The following TMEM266 variants were observed in gnomAD, a reference collection of about 807,000 sequenced individuals.
The protein encoded by TMEM266 is Hv1 related protein 1.
A neutral mutation model predicts 50.5 loss-of-function variants in TMEM266; 33 were observed. The ratio of observed to expected loss-of-function variants is 0.65; its 90% CI spans 0.50 to 0.87. TMEM266 has a LOEUF of 0.87. Ranked by LOEUF, TMEM266 falls within the 40% of genes least tolerant of loss-of-function variation. The pLI, the probability that TMEM266 is intolerant of heterozygous loss-of-function variation, is 0.00. For missense variants in TMEM266, 655 were observed against 695.1 expected, an observed-to-expected ratio of 0.94 and a Z score of 0.65; for synonymous variants, 310 against 292.3, an observed-to-expected ratio of 1.06 and a Z score of -0.62.
intron 1 of TMEM266, among the ~76,000 whole-genome samples, chr15:76,118,266 G>A (rs2037281576): frequency 6.6e-6 from 1 of 152,140 alleles, no homozygotes; most frequent in African/African-American, 2.4e-5. Flanking sequence ...ATTCTAATGA[G>A]ATTGAAAACT....
chr15:76,188,656 A>G (rs900333698), intron 8 of TMEM266, among the ~76,000 whole-genome samples: 1 of 152,182 alleles, frequency 6.6e-6, no homozygotes, highest in Non-Finnish European at 1.5e-5. Flanking sequence ...GAATTCACTC[A>G]CTATCATGAG....
At chr15:76,140,291 C>T (rs776365519) in intron 3 of TMEM266, among the ~76,000 whole-genome samples, 7 of 152,226 alleles carry the variant, frequency 4.6e-5, no homozygotes, top group Non-Finnish European at 8.8e-5. Context: ...CCAGGGGAAA[C>T]TGAAGCAAAG....
At chr15:76,061,215 T>C (rs2036296934) in intron 1 of TMEM266, among the ~76,000 whole-genome samples, 1 of 152,196 alleles carries the variant, frequency 6.6e-6, no homozygotes, top group Non-Finnish European at 1.5e-5. Context: ...TGAACCGTAA[T>C]TGCTTCTAAA....
In TMEM266 at chr15:76,117,624, T is replaced by C. The variant is rs116172453; in HGVS notation, c.-96-16544T>C. On this transcript the variant is annotated intron_variant, in intron 1 of 10. Coordinates refer to ENST00000388942, the MANE Select transcript of TMEM266 (RefSeq NM_152335.3). Reference sequence around the variant, plus strand: ...GAATATATCTGCCGTTTGTTTTGAATTGAAGGGAGATAAGAAAGGACCACT... The same window carrying C: ...GAATATATCTGCCGTTTGTTTTGAACTGAAGGGAGATAAGAAAGGACCACT... Among the ~76,000 whole-genome samples, 165 of 152,176 alleles carry C rather than the reference T, an allele frequency of 1.1e-3. 1 individual carries two copies. Among genetic ancestry groups the C allele is most frequent in the African/African-American group, 3.8e-3 (157 of 41,542 alleles).
intron 7 of TMEM266, among the ~76,000 whole-genome samples, chr15:76,172,458 A>G (rs1419903243): frequency 6.6e-6 from 1 of 152,224 alleles, no homozygotes; most frequent in Non-Finnish European, 1.5e-5. Flanking sequence ...AGCATTTGCC[A>G]CGCAGGTGCA....
At chr15:76,174,128 C>G (rs1426531728) in intron 7 of TMEM266, among the ~76,000 whole-genome samples, 1 of 152,160 alleles carries the variant, frequency 6.6e-6, no homozygotes, top group East Asian at 1.9e-4. Context: ...TGCCAACTAT[C>G]ACATCCTCAT....
At chr15:76,177,833 G>A (rs1468125096) in intron 8 of TMEM266, among the ~76,000 whole-genome samples, 1 of 152,246 alleles carries the variant, frequency 6.6e-6, no homozygotes, top group Non-Finnish European at 1.5e-5. Flanking sequence ...TCGTCCTCAC[G>A]GGGCTCTGGG....
intron 1 of TMEM266, among the ~76,000 whole-genome samples, chr15:76,067,371 G>C (rs376656572): frequency 2.0e-5 from 3 of 151,640 alleles, no homozygotes; most frequent in Admixed American, 2.0e-4. Flanking sequence ...GGCTGGGTGC[G>C]GTGGTTCACG....
chr15:76,166,042 C>T (rs914724549), intron 5 of TMEM266, among the ~76,000 whole-genome samples: 9 of 152,168 alleles, frequency 5.9e-5, no homozygotes, highest in Non-Finnish European at 8.8e-5. Context: ...GTAAACCCCC[C>T]GATGCTGCTT....
In TMEM266 at chr15:76,204,398, C is replaced by T. The variant is rs540907463; in HGVS notation, c.*83C>T. ...ACCCTGGAGGCTGCCAAGGGCCACA[C>T]GCGGGGCCCAGGAGCCCACCTGGCC... On this transcript the variant is annotated 3_prime_UTR_variant, in exon 11 of 11. Transcript: ENST00000388942. 1.8e-4 allele frequency: 242 copies of T among 1,382,642 alleles called. No individual in the cohort carries two copies. The South Asian group carries it at 3.0e-3, about 17-fold the overall frequency. 85.6% of individuals were successfully genotyped at this position (1,382,642 alleles called of 1,614,324 possible).
At chr15:76,108,028 C>T (rs115105478) in intron 1 of TMEM266, among the ~76,000 whole-genome samples, 2,712 of 152,340 alleles carry the variant, frequency 0.018, 91 homozygotes, top group African/African-American at 0.062. Flanking sequence ...ACTCTGGCTA[C>T]CCAGCAGCCT....
chr15:76,063,635 A>C (rs2036350840), intron 1 of TMEM266, among the ~76,000 whole-genome samples: 1 of 152,046 alleles, frequency 6.6e-6, no homozygotes, highest in African/African-American at 2.4e-5. Context: ...CTCCTAGCCT[A>C]CTATATTAAT....
At chr15:76,159,625 A>T (rs2037984913) in intron 4 of TMEM266, among the ~76,000 whole-genome samples, 1 of 152,096 alleles carries the variant, frequency 6.6e-6, no homozygotes, top group Non-Finnish European at 1.5e-5. Context: ...ATGAAAAGTC[A>T]CAGTAAGCTC....
intron 1 of TMEM266, among the ~76,000 whole-genome samples, chr15:76,087,456 AT>A (rs1348290429): frequency 1.3e-5 from 2 of 152,084 alleles, no homozygotes; most frequent in African/African-American, 2.4e-5. Flanking sequence ...TTAGGGGGAG[AT>A]TTTTGGTGGC....
intron 8 of TMEM266, among the ~76,000 whole-genome samples, chr15:76,179,542 A>G (rs1184543829): frequency 6.6e-6 from 1 of 152,150 alleles, no homozygotes; most frequent in Admixed American, 6.5e-5. Context: ...CATGGCACTT[A>G]GCACTCAGCA....
Position 76,156,736 on chromosome 15 carries a change from A to G in TMEM266, c.360A>G (p.Leu120=). The G allele has an allele frequency of 6.2e-7, 1 of 1,614,078 alleles. No individual in the cohort carries two copies. The highest frequency in any genetic ancestry group is 8.5e-7 in the Non-Finnish European group (1 of 1,179,916). Residue 120 remains leucine (L), a synonymous_variant, in exon 4 of 11, where the codon CTA becomes CTG. Coordinates refer to ENST00000388942, the MANE Select transcript of TMEM266 (RefSeq NM_152335.3). ...TGATTCTCCTGACTCTGGAACTTCT[A>G]ATAGATATAAAGCTTCTCCAGTGTG...
intron 1 of TMEM266, among the ~76,000 whole-genome samples, chr15:76,130,304 G>A (rs1177680559): frequency 2.0e-5 from 3 of 148,938 alleles, no homozygotes; most frequent in African/African-American, 5.0e-5. Flanking sequence ...TTGGGAGGCC[G>A]AGGCGGTTGG....
chr15:76,097,513 C>G (rs938301808), intron 1 of TMEM266, among the ~76,000 whole-genome samples: 8 of 152,078 alleles, frequency 5.3e-5, no homozygotes, highest in African/African-American at 1.9e-4. Context: ...CCCGACCTTT[C>G]TGGCTGCCCT....
intron 9 of TMEM266, among the ~76,000 whole-genome samples, chr15:76,193,941 C>G (rs909594170): frequency 6.6e-6 from 1 of 152,254 alleles, no homozygotes; most frequent in African/African-American, 2.4e-5. Flanking sequence ...GTTTTGGTCC[C>G]TCTCAGAGTA....
Sources: allele counts gnomAD v4.1 joint callset (sites outside exome capture counted in the v4.1 genomes callset), GRCh38; gene constraint gnomAD v4.1.1; transcripts MANE v1.5; gene names NCBI Gene and HGNC (gene_info 2026-07-23, HGNC 2026-07-21).